The following RNF115 variants were observed in gnomAD, a reference collection of about 807,000 sequenced individuals.
RNF115 encodes E3 ubiquitin-protein ligase RNF115.
Under a neutral mutation model 39.2 loss-of-function variants are expected in RNF115, and 31 were observed. That is an observed-to-expected ratio of 0.79 (90% CI 0.59 to 1.07). RNF115 has a LOEUF of 1.07. RNF115 is among the 50% of genes least tolerant of loss of function. The pLI is 0.00. For missense variants in RNF115, 384 were observed against 381.7 expected (o/e 1.01, Z -0.05); for synonymous variants, 124 against 131.0 (o/e 0.95, Z 0.37).
At chr1:145,764,749 G>A (rs963913398) in intron 4 of RNF115, among the ~76,000 whole-genome samples, 91 of 149,696 alleles carry the variant, frequency 6.1e-4, no homozygotes, top group African/African-American at 2.1e-3. Context: ...CCATCCAGGA[G>A]GGAGGTGGGG....
chr1:145,822,238 G>C (rs1387768641), intron 1 of RNF115, among the ~76,000 whole-genome samples: 2 of 151,784 alleles, frequency 1.3e-5, no homozygotes, highest in African/African-American at 4.8e-5. Flanking sequence ...CGAGGCAGGA[G>C]ACTCTCTTGA....
intron 4 of RNF115, among the ~76,000 whole-genome samples, chr1:145,755,563 A>G (rs1658263890): frequency 6.6e-6 from 1 of 152,166 alleles, no homozygotes; most frequent in African/African-American, 2.4e-5. Flanking sequence ...TAAGCCACTA[A>G]GCTCTGAGAT....
chr1:145,774,971 GCA>G (rs2101538972), intron 3 of RNF115, among the ~76,000 whole-genome samples: 1 of 152,240 alleles, frequency 6.6e-6, no homozygotes, highest in South Asian at 2.1e-4. Flanking sequence ...AACAGGCTGG[GCA>G]CAGTGGCTTA....
Position 145,784,571 on chromosome 1 carries a change from T to C in RNF115, c.187A>G (p.Ile63Val), listed in dbSNP as rs781914601. The change falls in exon 3 of 9, where the codon ATA (isoleucine) becomes GTA (valine). Residue 63 changes from isoleucine (I) to valine (V), a missense_variant. Transcript: ENST00000582693. ...AAATGTGTTGTTGTGGTATTGTCTA[T>C]CCGACTGCCGCCACCACCTAAAAAA... ...SSFLGGGGSR[I>V]DNTTTTHFAE... 20 of 1,614,004 alleles carry C rather than the reference T, an allele frequency of 1.2e-5. No individual in the cohort carries two copies. The Admixed American group carries it at 3.3e-4, about 27-fold the overall frequency.
At chr1:145,751,174 A>G (rs1023628388) in intron 6 of RNF115, among the ~76,000 whole-genome samples, 7 of 152,226 alleles carry the variant, frequency 4.6e-5, no homozygotes, top group African/African-American at 1.7e-4. Context: ...AGAGACAAAA[A>G]TACAAAATAC....
chr1:145,777,717 A>G (rs1199618955), intron 3 of RNF115, among the ~76,000 whole-genome samples: 1 of 152,208 alleles, frequency 6.6e-6, no homozygotes, highest in African/African-American at 2.4e-5. Flanking sequence ...AAAACAGTCT[A>G]AAGAATCACA....
chr1:145,823,842 G>C lies in RNF115; in HGVS notation c.32C>G (p.Ser11Trp). ...CCGGTGGGCGGCTACAGCGGCGCCC[G>C]AGTCCGCCCCGGCCGCCGAAGCCTC... MAEASAAGADSGAAVAAHRFF... is the reference protein window; with the variant it reads MAEASAAGADWGAAVAAHRFF... Residue 11 changes from serine (S) to tryptophan (W), a missense_variant, in exon 1 of 9, where the codon TCG becomes TGG. Coordinates refer to ENST00000582693, the MANE Select transcript of RNF115 (RefSeq NM_014455.4). The C allele has an allele frequency of 6.4e-7, 1 of 1,572,954 alleles. No individual in the cohort carries two copies. Among genetic ancestry groups the C allele is most frequent in the Non-Finnish European group, 8.6e-7 (1 of 1,163,892 alleles).
intron 3 of RNF115, among the ~76,000 whole-genome samples, chr1:145,781,800 T>C (rs1470130431): frequency 6.6e-6 from 1 of 152,110 alleles, no homozygotes; most frequent in Non-Finnish European, 1.5e-5. Flanking sequence ...ATCACTGTTA[T>C]ATGACCTCTC....
intron 3 of RNF115, among the ~76,000 whole-genome samples, chr1:145,776,398 A>G (rs1553716573): frequency 6.6e-6 from 1 of 151,880 alleles, no homozygotes; most frequent in East Asian, 2.0e-4. Context: ...TCCTGACCTC[A>G]GGAGATCCAC....
rs1553710844 is a variant in RNF115, at chr1:145,740,492, T to C, written c.*6374A>G. On this transcript the variant is annotated 3_prime_UTR_variant, in exon 9 of 9. Transcript: ENST00000582693. ...AAACTTAAAATACTTGTGTCTTGGC[T>C]TTCAAAATGTGTTGATACAATTGCC... The C allele has an allele frequency of 6.6e-6, 1 of 152,276 alleles. No individual in the cohort carries two copies. The highest frequency in any genetic ancestry group is 2.4e-5 in the African/African-American group (1 of 41,482). The allele number at this position is 152,276 out of a possible 1,614,324, so 9.4% of individuals were successfully genotyped here. A position where few individuals can be genotyped will look rare whatever the true frequency, so the allele number is the denominator to read the frequency against.
At chr1:145,752,682 G>A (rs889157904) in intron 5 of RNF115, among the ~76,000 whole-genome samples, 7 of 139,642 alleles carry the variant, frequency 5.0e-5, no homozygotes, top group Admixed American at 1.6e-4. Context: ...TCCACCTCCC[G>A]GGTTCAAGTG....
At chr1:145,750,696 A>AC (rs1218064768) in intron 6 of RNF115, among the ~76,000 whole-genome samples, 196 bp from the exon 7 acceptor site, 2 of 152,168 alleles carry the variant, frequency 1.3e-5, no homozygotes, top group African/African-American at 4.8e-5. Context: ...TTTCAGAGTG[A>AC]CGTTCGTATA....
At chr1:145,793,409 T>C (rs1648771695) in intron 1 of RNF115, among the ~76,000 whole-genome samples, 1 of 152,216 alleles carries the variant, frequency 6.6e-6, no homozygotes, top group Admixed American at 6.5e-5. Context: ...CCTTATCTAT[T>C]CTAATGTCTA....
At chr1:145,781,933 A>C (rs1571747156) in intron 3 of RNF115, among the ~76,000 whole-genome samples, 1 of 127,836 alleles carries the variant, frequency 7.8e-6, no homozygotes, top group Non-Finnish European at 1.6e-5. Flanking sequence ...TAAGAGTTTC[A>C]CTCTTATTGC....
rs1039287441 is a variant in RNF115, at chr1:145,740,659, A to C, written c.*6207T>G. The C allele has an allele frequency of 1.3e-5, 2 of 152,214 alleles. No individual in the cohort carries two copies. The highest frequency in any genetic ancestry group is 4.8e-5 in the African/African-American group (2 of 41,432). The allele number at this position is 152,214 out of a possible 1,614,324, so 9.4% of individuals were successfully genotyped here. ...TTATCAGAAGGAATCTATATACCAT[A>C]ATCTTCAGCCTGAATAAATATCTTT... On this transcript the variant is annotated 3_prime_UTR_variant, in exon 9 of 9. Transcript: ENST00000582693.
intron 3 of RNF115, among the ~76,000 whole-genome samples, chr1:145,777,704 G>C (rs587595792): frequency 1.3e-5 from 2 of 152,220 alleles, no homozygotes; most frequent in East Asian, 3.9e-4. Context: ...ATAGAGTTTT[G>C]CTAAAACAGT....
chr1:145,769,728 C>A (rs923165039), intron 4 of RNF115, among the ~76,000 whole-genome samples: 1 of 143,830 alleles, frequency 7.0e-6, no homozygotes, highest in Non-Finnish European at 1.5e-5. Context: ...GATAAAGAGA[C>A]TCATCCTCTT....
chr1:145,767,042 C>T (rs1398623125), intron 4 of RNF115, among the ~76,000 whole-genome samples: 6 of 144,174 alleles, frequency 4.2e-5, no homozygotes, highest in South Asian at 2.1e-4. Context: ...CCTCACCTCC[C>T]GGACGGGGCG....
At chr1:145,803,491 G>A (rs1553721175) in intron 1 of RNF115, among the ~76,000 whole-genome samples, 2 of 152,166 alleles carry the variant, frequency 1.3e-5, no homozygotes, top group African/African-American at 4.8e-5. Flanking sequence ...CCAGGCTGAA[G>A]CAATTCTCCC....
Sources: allele counts gnomAD v4.1 joint callset (sites outside exome capture counted in the v4.1 genomes callset), GRCh38; gene constraint gnomAD v4.1.1; transcripts MANE v1.5; gene names NCBI Gene and HGNC (gene_info 2026-07-23, HGNC 2026-07-21).